LINGO2: variants seen among roughly 807,000 people sequenced by gnomAD.
LINGO2 encodes the protein leucine-rich repeat and immunoglobulin-like domain-containing nogo receptor-interacting protein 2.
Under a neutral mutation model 30.6 loss-of-function variants are expected in LINGO2, and 14 were observed. That is an observed-to-expected ratio of 0.46 (90% CI 0.30 to 0.72). The LOEUF is 0.72. Among genes scored for constraint, LINGO2 ranks in the 30% least tolerant of loss-of-function variants. The probability of loss-of-function intolerance (pLI) is 0.07; values close to 1 mark genes in which losing one functional copy is unlikely to be tolerated. For missense variants in LINGO2, 729 were observed against 751.7 expected, an observed-to-expected ratio of 0.97 and a Z score of 0.35; for synonymous variants, 317 against 288.5, an observed-to-expected ratio of 1.10 and a Z score of -1.00.
chr9:28,414,172 A>G (rs571259737), intron 2 of LINGO2, among the ~76,000 whole-genome samples: 2 of 152,036 alleles, frequency 1.3e-5, no homozygotes, highest in Non-Finnish European at 2.9e-5. Flanking sequence ...ATAAAAAATA[A>G]TAAGACTTTC....
chr9:28,848,757 A>ATGG, the LINGO2 span, among the ~76,000 whole-genome samples: 1 of 151,712 alleles, frequency 6.6e-6, no homozygotes, highest in Non-Finnish European at 1.5e-5. Context: ...GCATGTGGAA[A>ATGG]ACATTTTTAT....
chr9:28,792,313 A>T, the LINGO2 span, among the ~76,000 whole-genome samples: 1 of 151,974 alleles, frequency 6.6e-6, no homozygotes, highest in Non-Finnish European at 1.5e-5. Context: ...GATTATTTTT[A>T]TTTGTATTTT....
chr9:28,075,470 C>T (rs1416632223), intron 4 of LINGO2, among the ~76,000 whole-genome samples: 2 of 151,888 alleles, frequency 1.3e-5, no homozygotes, highest in African/African-American at 2.4e-5. Context: ...AAAAGAATTG[C>T]TAGTTAATTA....
the LINGO2 span, among the ~76,000 whole-genome samples, chr9:29,115,766 G>A: frequency 0.47 from 71,095 of 151,650 alleles, 17,321 homozygotes; most frequent in African/African-American, 0.62. Context: ...AAAGTAATAC[G>A]AACAATAAAA....
chr9:28,164,929 G>T (rs1425012797), intron 4 of LINGO2, among the ~76,000 whole-genome samples: 1 of 152,134 alleles, frequency 6.6e-6, no homozygotes, highest in African/African-American at 2.4e-5. Flanking sequence ...GGATATCACT[G>T]CTCCATTAAA....
the LINGO2 span, among the ~76,000 whole-genome samples, chr9:28,965,784 A>G: frequency 1.3e-5 from 2 of 152,104 alleles, no homozygotes; most frequent in African/African-American, 4.8e-5. Flanking sequence ...ATCTCCACTG[A>G]TCAAACACAA....
chr9:28,395,285 A>G (rs1444650742), intron 2 of LINGO2, among the ~76,000 whole-genome samples: 1 of 141,658 alleles, frequency 7.1e-6, no homozygotes, highest in Non-Finnish European at 1.5e-5. Flanking sequence ...ACTCAAGTCG[A>G]AAAAAAATGT....
At chr9:29,145,250 A>G in the LINGO2 span, among the ~76,000 whole-genome samples, 1 of 152,278 alleles carries the variant, frequency 6.6e-6, no homozygotes, top group South Asian at 2.1e-4. Context: ...GGCACACATT[A>G]TGGTGATCCA....
chr9:28,938,758 G>A, the LINGO2 span, among the ~76,000 whole-genome samples: 1 of 152,084 alleles, frequency 6.6e-6, no homozygotes, highest in Non-Finnish European at 1.5e-5. Context: ...TATGATGTTT[G>A]CACAATGATG....
At chr9:28,908,573 G>C in the LINGO2 span, among the ~76,000 whole-genome samples, 1 of 151,806 alleles carries the variant, frequency 6.6e-6, no homozygotes, top group South Asian at 2.1e-4. Context: ...TAAAAAGTTA[G>C]ACAACAAAAA....
At chr9:28,874,529 CA>C in the LINGO2 span, among the ~76,000 whole-genome samples, 3 of 151,930 alleles carry the variant, frequency 2.0e-5, no homozygotes, top group East Asian at 5.8e-4. Context: ...TTATATATAA[CA>C]AAATCATATA....
chr9:29,078,456 A>G, the LINGO2 span, among the ~76,000 whole-genome samples: 1 of 152,014 alleles, frequency 6.6e-6, no homozygotes, highest in Non-Finnish European at 1.5e-5. Context: ...GTCTGCCAGC[A>G]CACAATTATT....
chr9:28,397,330 A>G (rs1260359244), intron 2 of LINGO2, among the ~76,000 whole-genome samples: 1 of 146,628 alleles, frequency 6.8e-6, no homozygotes, highest in African/African-American at 2.5e-5. Context: ...AATTGTATGT[A>G]TTGTGTATGA....
the LINGO2 span, among the ~76,000 whole-genome samples, chr9:29,152,878 T>C: frequency 6.6e-6 from 1 of 152,214 alleles, no homozygotes; most frequent in Non-Finnish European, 1.5e-5. Context: ...TATTTGATTA[T>C]ATATAAATTG....
chr9:27,960,227 C>A (rs921055381), intron 5 of LINGO2, among the ~76,000 whole-genome samples: 2 of 152,126 alleles, frequency 1.3e-5, no homozygotes, highest in Non-Finnish European at 2.9e-5. Context: ...TCTGGTTGTT[C>A]TGCTAGTCTA....
the LINGO2 span, among the ~76,000 whole-genome samples, chr9:29,039,065 A>G: frequency 6.6e-6 from 1 of 152,158 alleles, no homozygotes; most frequent in Admixed American, 6.6e-5. Context: ...GTTGATCTAA[A>G]TAAGCAGGCC....
In LINGO2 at chr9:28,366,288, A is replaced by G. The variant is rs548883951; in HGVS notation, c.-246+6548T>C. Among the ~76,000 whole-genome samples the G allele has an allele frequency of 7.2e-5, 11 of 152,254 alleles. No homozygotes were observed. The South Asian group carries it at 2.3e-3, about 32-fold the overall frequency. ...CTTATTCATCACTTGCATTACCTCT[A>G]TATTGTATTTCATCCCTCTTATGTG... On this transcript the variant is annotated intron_variant, in intron 3 of 5. Transcript: ENST00000379992.
chr9:28,396,142 T>C (rs1822030608), intron 2 of LINGO2, among the ~76,000 whole-genome samples: 1 of 152,238 alleles, frequency 6.6e-6, no homozygotes, highest in East Asian at 1.9e-4. Context: ...ATGTAGAAGA[T>C]TGATGATTTA....
chr9:28,754,930 C>T, the LINGO2 span, among the ~76,000 whole-genome samples: 39 of 152,044 alleles, frequency 2.6e-4, no homozygotes, highest in Middle Eastern at 3.4e-3. Flanking sequence ...CACGCCCAGC[C>T]TTATCTGTTT....
Sources: gnomAD v4.1 joint callset for allele counts (sites outside exome capture counted in the v4.1 genomes callset) on GRCh38, gnomAD v4.1.1 for gene constraint, MANE v1.5 for transcripts, NCBI Gene and HGNC (gene_info 2026-07-23, HGNC 2026-07-21) for gene names.